TCHH: variants seen among roughly 807,000 people sequenced by gnomAD.
TCHH encodes trichohyalin.
Under a neutral mutation model 6.3 loss-of-function variants are expected in TCHH, and 6 were observed. That is an observed-to-expected ratio of 0.95 (90% CI 0.52 to 1.88). TCHH has a LOEUF of 1.88. TCHH is among the 40% of genes most tolerant of loss of function. The pLI, the probability that TCHH is intolerant of heterozygous loss-of-function variation, is 0.01. For missense variants in TCHH, 2,920 were observed against 2,449.1 expected (o/e 1.19, Z -4.06); for synonymous variants, 1,087 against 963.6 (o/e 1.13, Z -2.37).
chr1:152,111,477 C>T lies in TCHH; in HGVS notation c.1740G>A (p.Lys580=), dbSNP rs1302285569. 1.9e-6 allele frequency: 3 copies of T among 1,609,584 alleles called. No individual in the cohort carries two copies. The East Asian group carries it at 6.7e-5, about 36-fold the overall frequency. ...GCTGCTGGCGCCTCTCCTCCTCGCG[C>T]TTCAGCAGCTGATCGCGCCTCTCCT... is the stretch of plus-strand genomic sequence containing the variant. ...EQEERRDQLL[K]REEERRQQRL... is the part of the protein sequence containing the mutation. The change falls in exon 3 of 3, where the codon AAG becomes AAA. Residue 580 remains lysine, a synonymous_variant. Transcript: ENST00000614923.
chr1:152,110,682 A>T lies in TCHH; in HGVS notation c.2535T>A (p.Arg845=). 1 of 1,611,298 alleles carries T rather than the reference A, an allele frequency of 6.2e-7. No individual in the cohort carries two copies. The highest frequency in any genetic ancestry group is 8.5e-7 in the Non-Finnish European group (1 of 1,179,520). Residue 845 remains arginine (R), a synonymous_variant, in exon 3 of 3, where the codon CGT becomes CGA. Transcript: ENST00000614923. ...CCTCCTCCTCCTGGAGCTGTTGGGC[A>T]CGCTCCCGCCGCTGGAGCTGCTCCT... ...EEEEQLQRRE[R]AQQLQEEEDG...
rs1658454048 is a variant in TCHH, at chr1:152,114,050, T to C, written c.31A>G (p.Ile11Val). ...ACATACTGATTGAAAATTTCAGTGA[T>C]GTCACAGATGCTTCTCAGAAGTGGA... MSPLLRSICD[I>V]TEIFNQYVSH... Residue 11 changes from isoleucine (I) to valine (V), a missense_variant, in exon 2 of 3, where the codon ATC becomes GTC. Coordinates refer to ENST00000614923, the MANE Select transcript of TCHH (RefSeq NM_007113.4). 2.5e-6 allele frequency: 4 copies of C among 1,613,452 alleles called. No homozygotes were observed. The highest frequency in any genetic ancestry group is 2.5e-6 in the Non-Finnish European group (3 of 1,179,818).
chr1:152,107,124 A>G lies in TCHH; in HGVS notation c.*261T>C. The stretch of plus-strand genomic sequence containing the variant: ...TTCTTAAACAAATTAAATGATTTAT[A>G]TTTTTTTTAAATGCACACCACATCT... On this transcript the variant is annotated 3_prime_UTR_variant, in exon 3 of 3. Transcript: ENST00000614923. 1 of 336,214 alleles carries G rather than the reference A, an allele frequency of 3.0e-6. No homozygotes were observed. Among genetic ancestry groups the G allele is most frequent in the East Asian group, 4.8e-5 (1 of 20,892 alleles). The allele number at this position is 336,214 out of a possible 1,614,324, so 20.8% of individuals were successfully genotyped here.
Position 152,112,443 on chromosome 1 carries a change from C to A in TCHH, c.774G>T (p.Glu258Asp), listed in dbSNP as rs763780555. ...KRETVLRKEE[E>D]KLQEEEPQRQ... is the part of the protein sequence containing the mutation. ...GCTGCGGCTCCTCTTCCTGCAACTTCTCTTCTTCCTTCCGGAGCACTGTCT... is the reference window on the plus strand; with the variant it reads ...GCTGCGGCTCCTCTTCCTGCAACTTATCTTCTTCCTTCCGGAGCACTGTCT... Residue 258 changes from glutamate (E) to aspartate (D), a missense_variant, in exon 3 of 3, where the codon GAG becomes GAT. By Grantham distance (45) the Glu-to-Asp change is conservative. Transcript: ENST00000614923. 8.1e-6 allele frequency: 13 copies of A among 1,613,766 alleles called. No individual in the cohort carries two copies. Among genetic ancestry groups the A allele is most frequent in the Non-Finnish European group, 8.5e-7 (1 of 1,180,028 alleles).
At position 152,108,786 on chromosome 1, in the gene TCHH, C is replaced by A. The variant is rs1658209704; in HGVS notation, c.4431G>T (p.Gln1477His). The A allele has an allele frequency of 2.5e-6, 4 of 1,612,598 alleles. No homozygotes were observed. Among genetic ancestry groups the A allele is most frequent in the Non-Finnish European group, 3.4e-6 (4 of 1,179,734 alleles). The stretch of plus-strand genomic sequence containing the variant: ...TTCTGTCACGCTCTTGGCGGTGCAG[C>A]TGCTGTTCTTCCCTTTCCTGGAGCA... ...EQLLQEREEQ[Q>H]LHRQERDRKF... is the part of the protein sequence containing the mutation. The change falls in exon 3 of 3, where the codon CAG (glutamine) becomes CAT (histidine). Residue 1477 changes from glutamine to histidine, a missense_variant. By Grantham distance (24) the Gln-to-His change is conservative (BLOSUM62 0). Coordinates refer to ENST00000614923, the MANE Select transcript of TCHH (RefSeq NM_007113.4).
In TCHH at chr1:152,108,116, G is replaced by A; in HGVS notation, c.5101C>T (p.Arg1701Cys). The part of the protein sequence containing the change: ...RKFREEEQQL[R>C]RQERERKFLQ... ...AATTTTCTCTCTCGTTCCTGACGGCGGAGCTGCTGTTCCTCTTCGCGGAAT... is the reference window on the plus strand; with the variant it reads ...AATTTTCTCTCTCGTTCCTGACGGCAGAGCTGCTGTTCCTCTTCGCGGAAT... The change falls in exon 3 of 3, where the codon CGC (arginine) becomes TGC (cysteine). Residue 1701 changes from arginine to cysteine, a missense_variant. Coordinates refer to ENST00000614923, the MANE Select transcript of TCHH (RefSeq NM_007113.4). 1.9e-6 allele frequency: 3 copies of A among 1,613,046 alleles called. No individual in the cohort carries two copies. The highest frequency in any genetic ancestry group is 1.3e-5 in the African/African-American group (1 of 74,550).
chr1:152,109,738 T>C lies in TCHH; in HGVS notation c.3479A>G (p.Lys1160Arg). The C allele has an allele frequency of 6.2e-7, 1 of 1,603,136 alleles. No individual in the cohort carries two copies. The highest frequency in any genetic ancestry group is 8.5e-7 in the Non-Finnish European group (1 of 1,175,334). ...CCTCTCCAGCTCCTGGCGCCTTCTC[T>C]TCTCCGGTTCCTCTCTCAGCAGCTG... ...EEQLLREEPE[K>R]RRRQELERQY... Residue 1160 changes from lysine to arginine, a missense_variant, in exon 3 of 3, where the codon AAG (lysine) becomes AGG (arginine). Physicochemically the swap from Lys to Arg is conservative, Grantham distance 26 (BLOSUM62 2). Coordinates refer to ENST00000614923, the MANE Select transcript of TCHH (RefSeq NM_007113.4).
rs1438661030 is a variant in TCHH at position 152,109,076 on chromosome 1, G to T, written c.4141C>A (p.Gln1381Lys). ...TCCCGTTCCTGGCGGCGCAGCCGCT[G>T]TTCCTCCTCGAGGAATTTTCTCCCT... ...EQGRKFLEEE[Q>K]RLRRQERERK... Residue 1381 changes from glutamine to lysine, a missense_variant, in exon 3 of 3, where the codon CAG becomes AAG. Gln to Lys is a moderately conservative substitution (Grantham distance 53). Transcript: ENST00000614923. 5.0e-6 allele frequency: 8 copies of T among 1,613,054 alleles called. No homozygotes were observed. The highest frequency in any genetic ancestry group is 6.8e-6 in the Non-Finnish European group (8 of 1,179,880).
In TCHH at chr1:152,109,617, C is replaced by T. The variant is rs1048748260; in HGVS notation, c.3600G>A (p.Arg1200=). 5.0e-6 allele frequency: 8 copies of T among 1,614,058 alleles called. No homozygotes were observed. The African/African-American group carries it at 9.3e-5, about 19-fold the overall frequency. ...KRRQERERQY[R]EEEELQRQKR... ...TCTGGCGCTGAAGCTCTTCCTCCTC[C>T]CGATACTGCCTCTCCCGCTCCTGGC... Residue 1200 remains arginine, a synonymous_variant, in exon 3 of 3, where the codon CGG becomes CGA. Transcript: ENST00000614923.
At position 152,110,168 on chromosome 1, in the gene TCHH, C is replaced by A. The variant is rs765258293; in HGVS notation, c.3049G>T (p.Glu1017Ter). 3.1e-6 allele frequency: 5 copies of A among 1,608,892 alleles called. No homozygotes were observed. In the African/African-American group the frequency reaches 4.1e-5, roughly 13 times the overall value. The change falls in exon 3 of 3, where the codon GAG becomes TAG. Residue 1017 changes from glutamate to a stop codon, truncating the protein, a stop_gained. Coordinates refer to ENST00000614923, the MANE Select transcript of TCHH (RefSeq NM_007113.4). LOFTEE classifies it low-confidence loss of function (END_TRUNC). The part of the protein sequence containing the change: ...EREKRRRQEW[E>*]RQYRKKDELQ... Reference sequence around the variant, plus strand: ...TCGTCTTTTTTGCGGTACTGCCTCTCCCACTCCTGGCGCCTTCTCTTCTCC... The same window carrying A: ...TCGTCTTTTTTGCGGTACTGCCTCTACCACTCCTGGCGCCTTCTCTTCTCC...
At position 152,108,338 on chromosome 1, in the gene TCHH, G is replaced by T. The variant is rs776374212; in HGVS notation, c.4879C>A (p.Leu1627Met). The T allele has an allele frequency of 1.6e-5, 26 of 1,608,372 alleles. 1 individual carries two copies. The South Asian group carries it at 2.9e-4, about 18-fold the overall frequency. The change falls in exon 3 of 3, where the codon CTG becomes ATG. Residue 1627 changes from leucine (L) to methionine (M), a missense_variant. Leu to Met is a conservative substitution (Grantham distance 15). Coordinates refer to ENST00000614923, the MANE Select transcript of TCHH (RefSeq NM_007113.4). ...RDRKFREDEQ[L>M]LQEREEQQLH... is the part of the protein sequence containing the mutation. ...TGCTGTTCTTCCCTTTCCTGGAGCA[G>T]CTGTTCGTCTTCGCGGAATTTTCTG...
Position 152,108,930 on chromosome 1 carries a change from G to C in TCHH, c.4287C>G (p.Asp1429Glu). The C allele has an allele frequency of 6.2e-7, 1 of 1,607,252 alleles. No individual in the cohort carries two copies. Among genetic ancestry groups the C allele is most frequent in the Non-Finnish European group, 8.5e-7 (1 of 1,178,438 alleles). The change falls in exon 3 of 3, where the codon GAC becomes GAG. Residue 1429 changes from aspartate to glutamate, a missense_variant. Transcript: ENST00000614923. ...EEQQLSRQER[D>E]RKFREEEQQV... is the part of the protein sequence containing the mutation. Reference sequence around the variant, plus strand: ...GCTGTTCCTCTTCACGGAATTTTCTGTCACGCTCTTGGCGGCTCAGCTGCT... The same window carrying C: ...GCTGTTCCTCTTCACGGAATTTTCTCTCACGCTCTTGGCGGCTCAGCTGCT...
At position 152,109,310 on chromosome 1, in the gene TCHH, C is replaced by G. The variant is rs779102502; in HGVS notation, c.3907G>C (p.Glu1303Gln). ...TCGCGCCTTTTGGCTTCCTTTTGCTCTTCTCGCTCCAGCTGTTCTTCCTCT... is the reference window on the plus strand; with the variant it reads ...TCGCGCCTTTTGGCTTCCTTTTGCTGTTCTCGCTCCAGCTGTTCTTCCTCT... ...FPEEEQLERE[E>Q]QKEAKRRDRK... is the part of the protein sequence containing the mutation. The change falls in exon 3 of 3, where the codon GAG (glutamate) becomes CAG (glutamine). Residue 1303 changes from glutamate (E) to glutamine (Q), a missense_variant. Transcript: ENST00000614923. 1.2e-6 allele frequency: 2 copies of G among 1,614,188 alleles called. No homozygotes were observed. The highest frequency in any genetic ancestry group is 2.2e-5 in the East Asian group (1 of 44,878).
Position 152,107,993 on chromosome 1 carries a change from G to A in TCHH, c.5224C>T (p.Arg1742Cys). ...RQETEQEQLR[R>C]QERYRKILEE... ...AGGATTTTTCTGTAGCGTTCTTGGC[G>A]GCGCAGCTGCTCTTGCTCCGTTTCT... The change falls in exon 3 of 3, where the codon CGC (arginine) becomes TGC (cysteine). Residue 1742 changes from arginine to cysteine, a missense_variant. Arg to Cys is a radical substitution (Grantham distance 180). Coordinates refer to ENST00000614923, the MANE Select transcript of TCHH (RefSeq NM_007113.4). The A allele has an allele frequency of 1.9e-6, 3 of 1,613,340 alleles. No homozygotes were observed. The highest frequency in any genetic ancestry group is 2.5e-6 in the Non-Finnish European group (3 of 1,179,850).
rs768759832 is a variant in TCHH, at chr1:152,107,549, T to C, written c.5668A>G (p.Lys1890Glu). Residue 1890 changes from lysine to glutamate, a missense_variant, in exon 3 of 3, where the codon AAG becomes GAG. Transcript: ENST00000614923. ...LREEHIRRQQ[K>E]EEQRHRQVGE... The stretch of plus-strand genomic sequence containing the variant: ...ACTTGGCGGTGCCTCTGTTCCTCCT[T>C]CTGCTGGCGGCGGATGTGTTCTTCC... 74 of 1,613,986 alleles carry C rather than the reference T, an allele frequency of 4.6e-5. 1 individual carries two copies. In the South Asian group the frequency reaches 4.8e-4, roughly 11 times the overall value.
At position 152,108,100 on chromosome 1, in the gene TCHH, T is replaced by C; in HGVS notation, c.5117A>G (p.Glu1706Gly). 1 of 1,613,364 alleles carries C rather than the reference T, an allele frequency of 6.2e-7. No homozygotes were observed. Among genetic ancestry groups the C allele is most frequent in the Non-Finnish European group, 8.5e-7 (1 of 1,179,822 alleles). ...CTGTTCCTCCTGGAGGAATTTTCTC[T>C]CTCGTTCCTGACGGCGGAGCTGCTG... ...EEQQLRRQER[E>G]RKFLQEEQQL... The change falls in exon 3 of 3, where the codon GAG becomes GGG. Residue 1706 changes from glutamate (E) to glycine (G), a missense_variant. Physicochemically the swap from Glu to Gly is moderately conservative, Grantham distance 98. Coordinates refer to ENST00000614923, the MANE Select transcript of TCHH (RefSeq NM_007113.4).
chr1:152,108,229 T>G lies in TCHH; in HGVS notation c.4988A>C (p.His1663Pro), dbSNP rs758456889. The change falls in exon 3 of 3, where the codon CAC becomes CCC. Residue 1663 changes from histidine (H) to proline (P), a missense_variant. His to Pro is a moderately conservative substitution (Grantham distance 77). Coordinates refer to ENST00000614923, the MANE Select transcript of TCHH (RefSeq NM_007113.4). ...RRQEREQQLRHDRDRKFREEE... is the reference protein window; with the variant it reads ...RRQEREQQLRPDRDRKFREEE... ...TTCACGGAATTTTCTGTCGCGGTCG[T>G]GACGCAGCTGTTGTTCGCGCTCCTG... 11 of 1,612,594 alleles carry G rather than the reference T, an allele frequency of 6.8e-6. No individual in the cohort carries two copies. The highest frequency in any genetic ancestry group is 8.5e-6 in the Non-Finnish European group (10 of 1,179,666).
chr1:152,109,620 A>C lies in TCHH; in HGVS notation c.3597T>G (p.Tyr1199Ter). Reference protein sequence around the residue: ...EKRRQERERQYREEEELQRQK... With the variant: ...EKRRQERERQ Reference sequence around the variant, plus strand: ...GGCGCTGAAGCTCTTCCTCCTCCCGATACTGCCTCTCCCGCTCCTGGCGCC... The same window carrying C: ...GGCGCTGAAGCTCTTCCTCCTCCCGCTACTGCCTCTCCCGCTCCTGGCGCC... The change falls in exon 3 of 3, where the codon TAT becomes TAG. Residue 1199 changes from tyrosine to a stop codon, truncating the protein, a stop_gained. Coordinates refer to ENST00000614923, the MANE Select transcript of TCHH (RefSeq NM_007113.4). LOFTEE classifies it low-confidence loss of function (END_TRUNC). 1.2e-6 allele frequency: 2 copies of C among 1,613,310 alleles called. No individual in the cohort carries two copies. Among genetic ancestry groups the C allele is most frequent in the Non-Finnish European group, 1.7e-6 (2 of 1,179,792 alleles).
At position 152,113,975 on chromosome 1, in the gene TCHH, G is replaced by A. The variant is rs1658449318; in HGVS notation, c.106C>T (p.Leu36Phe). 4 of 1,613,686 alleles carry A rather than the reference G, an allele frequency of 2.5e-6. No individual in the cohort carries two copies. Among genetic ancestry groups the A allele is most frequent in the Non-Finnish European group, 3.4e-6 (4 of 1,179,860 alleles). Residue 36 changes from leucine to phenylalanine, a missense_variant, in exon 2 of 3, where the codon CTC (leucine) becomes TTC (phenylalanine). Leu to Phe is a conservative substitution (Grantham distance 22). Transcript: ENST00000614923. The stretch of plus-strand genomic sequence containing the variant: ...ACAGCTCCAAATTCCCTTTCAAGGA[G>A]GTTCTTCAGGTCTTTCTTAGTTAAT... Reference protein sequence around the residue: ...AALTKKDLKNLLEREFGAVLR... With the variant: ...AALTKKDLKNFLEREFGAVLR...
Sources: allele counts gnomAD v4.1 joint callset, GRCh38; gene constraint gnomAD v4.1.1; transcripts MANE v1.5; gene names NCBI Gene and HGNC (gene_info 2026-07-23, HGNC 2026-07-21).